The following PTPN9 variants were observed in gnomAD, a reference collection of about 807,000 sequenced individuals.
PTPN9 encodes tyrosine-protein phosphatase non-receptor type 9.
PTPN9 carries 26 observed loss-of-function variants against 69.8 expected under a neutral mutation model. The observed-to-expected ratio is 0.37, with a 90% confidence interval of 0.27 to 0.52. The LOEUF (loss-of-function observed/expected upper bound fraction) is 0.52, where lower values mean the gene tolerates loss of function less well. PTPN9 is among the 20% of genes least tolerant of loss of function. PTPN9 has a pLI of 0.91. For synonymous variants in PTPN9, 274 were observed against 272.5 expected (o/e 1.01, Z -0.05); for missense variants, 549 against 740.3 (o/e 0.74, Z 3.00).
At chr15:75,508,347 A>G (rs2074830672) in intron 6 of PTPN9, among the ~76,000 whole-genome samples, 1 of 152,152 alleles carries the variant, frequency 6.6e-6, no homozygotes, top group East Asian at 1.9e-4. Flanking sequence ...TATAAGCATG[A>G]GCCATTACAC....
intron 12 of PTPN9, 115 bp from the exon 13 acceptor site, chr15:75,469,098 G>T: frequency 3.0e-6 from 3 of 990,516 alleles, no homozygotes; most frequent in Non-Finnish European, 4.4e-6. Context: ...CCTCATGGCA[G>T]AAGGCCAGGT....
intron 1 of PTPN9, among the ~76,000 whole-genome samples, chr15:75,566,484 C>A (rs2075126850): frequency 6.6e-6 from 1 of 152,058 alleles, no homozygotes; most frequent in Non-Finnish European, 1.5e-5. Flanking sequence ...GAGTTTGAGA[C>A]CAGCTTGGCC....
At chr15:75,503,791 T>C (rs1008292346) in intron 7 of PTPN9, among the ~76,000 whole-genome samples, 8 of 79,496 alleles carry the variant, frequency 1.0e-4, no homozygotes, top group Non-Finnish European at 1.5e-4. Flanking sequence ...CAGCCCCCCG[T>C]CCGGGAGGGA....
At chr15:75,574,425 C>CCA in intron 1 of PTPN9, among the ~76,000 whole-genome samples, 1 of 152,030 alleles carries the variant, frequency 6.6e-6, no homozygotes, top group South Asian at 2.1e-4. Flanking sequence ...TATGGATGGA[C>CCA]CAGGTGGGAA....
intron 1 of PTPN9, among the ~76,000 whole-genome samples, chr15:75,542,170 A>G (rs991465274): frequency 1.3e-5 from 2 of 152,216 alleles, no homozygotes; most frequent in Non-Finnish European, 2.9e-5. Flanking sequence ...TTTCACAATG[A>G]GTTTACAAAC....
At chr15:75,556,215 C>T (rs1246736062) in intron 1 of PTPN9, among the ~76,000 whole-genome samples, 1 of 151,106 alleles carries the variant, frequency 6.6e-6, no homozygotes, top group African/African-American at 2.4e-5. Flanking sequence ...AGGCGCCCAC[C>T]ACCACGCTTG....
intron 1 of PTPN9, among the ~76,000 whole-genome samples, chr15:75,564,229 G>A (rs1264366628): frequency 1.3e-5 from 2 of 151,940 alleles, no homozygotes; most frequent in Non-Finnish European, 2.9e-5. Context: ...GGAATTACAG[G>A]CTTAAGCTAC....
intron 1 of PTPN9, among the ~76,000 whole-genome samples, chr15:75,535,695 G>A (rs1326996206): frequency 1.3e-5 from 2 of 152,156 alleles, no homozygotes; most frequent in Admixed American, 6.5e-5. Flanking sequence ...TTTCAGTGAT[G>A]GATGCATTAA....
intron 7 of PTPN9, among the ~76,000 whole-genome samples, chr15:75,501,342 G>A (rs2141306085): frequency 6.6e-6 from 1 of 151,838 alleles, no homozygotes; most frequent in African/African-American, 2.4e-5. Context: ...GCTGAGAAGG[G>A]AAATAACTTG....
chr15:75,480,295 A>G (rs930310129), intron 8 of PTPN9, among the ~76,000 whole-genome samples: 3 of 152,290 alleles, frequency 2.0e-5, no homozygotes, highest in African/African-American at 7.2e-5. Context: ...AAAGAGATAA[A>G]TTGGACTATA....
chr15:75,510,029 T>G (rs2074838251), intron 5 of PTPN9, among the ~76,000 whole-genome samples: 1 of 152,158 alleles, frequency 6.6e-6, no homozygotes, highest in African/African-American at 2.4e-5. Context: ...TTTTAAAAAT[T>G]TCTCTTTCAT....
chr15:75,481,942 C>T (rs933150811), intron 8 of PTPN9, among the ~76,000 whole-genome samples: 2 of 146,334 alleles, frequency 1.4e-5, no homozygotes, highest in Non-Finnish European at 3.0e-5. Flanking sequence ...CGGCCACCAC[C>T]CCGTCTGGGA....
intron 1 of PTPN9, among the ~76,000 whole-genome samples, chr15:75,548,919 C>A (rs1367817052): frequency 6.6e-6 from 1 of 152,050 alleles, no homozygotes; most frequent in Non-Finnish European, 1.5e-5. Flanking sequence ...TCCCAAAGTA[C>A]TGGGATTATA....
intron 1 of PTPN9, among the ~76,000 whole-genome samples, chr15:75,533,895 A>T (rs937738278): frequency 1.3e-5 from 2 of 152,162 alleles, no homozygotes; most frequent in African/African-American, 4.8e-5. Context: ...ATGTGCTGGC[A>T]CTCTCAGTTC....
chr15:75,491,661 A>C (rs2074711768), intron 7 of PTPN9, among the ~76,000 whole-genome samples: 1 of 152,220 alleles, frequency 6.6e-6, no homozygotes, highest in Non-Finnish European at 1.5e-5. Context: ...AGCTATAGAG[A>C]AAGCCTCAGT....
chr15:75,553,474 A>G (rs141762063), intron 1 of PTPN9, among the ~76,000 whole-genome samples: 392 of 152,312 alleles, frequency 2.6e-3, no homozygotes, highest in Non-Finnish European at 3.7e-3. Flanking sequence ...GAGAAAAGTT[A>G]GTAGCTCTGA....
At chr15:75,502,742 A>T (rs2074780735) in intron 7 of PTPN9, among the ~76,000 whole-genome samples, 1 of 152,158 alleles carries the variant, frequency 6.6e-6, no homozygotes. Context: ...CATAAATGTT[A>T]TGGGGAGAAA....
intron 1 of PTPN9, among the ~76,000 whole-genome samples, chr15:75,547,130 C>G (rs1193829937): frequency 2.0e-5 from 3 of 151,536 alleles, no homozygotes; most frequent in Non-Finnish European, 2.9e-5. Flanking sequence ...TTTGTCTCTA[C>G]TAAAAATACA....
chr15:75,505,062 G>A (rs201409525), intron 7 of PTPN9, among the ~76,000 whole-genome samples: 277 of 151,998 alleles, frequency 1.8e-3, no homozygotes, highest in African/African-American at 6.0e-3. Context: ...GATGGTTGCC[G>A]TGTCTGTGTA....
Sources: allele counts gnomAD v4.1 joint callset (sites outside exome capture counted in the v4.1 genomes callset), GRCh38; gene constraint gnomAD v4.1.1; transcripts MANE v1.5; gene names NCBI Gene and HGNC (gene_info 2026-07-23, HGNC 2026-07-21).